OSBPL8: variants seen among roughly 807,000 people sequenced by gnomAD.
OSBPL8 encodes the protein oxysterol binding protein like 8.
OSBPL8 carries 59 observed loss-of-function variants against 125.5 expected under a neutral mutation model. The observed-to-expected ratio is 0.47, with a 90% CI of 0.38 to 0.58. The LOEUF (loss-of-function observed/expected upper bound fraction) is 0.58, where lower values mean the gene tolerates loss of function less well. Among genes scored for constraint, OSBPL8 ranks in the 20% least tolerant of loss-of-function variants. The pLI, the probability that OSBPL8 is intolerant of heterozygous loss-of-function variation, is 0.00. For synonymous variants in OSBPL8, 330 were observed against 338.9 expected (o/e 0.97, Z 0.29); for missense variants, 758 against 1,047.8 (o/e 0.72, Z 3.82).
intron 1 of OSBPL8, among the ~76,000 whole-genome samples, chr12:76,506,538 T>A (rs878977562): frequency 6.6e-6 from 1 of 152,174 alleles, no homozygotes; most frequent in Non-Finnish European, 1.5e-5. Context: ...GAATCCTGAT[T>A]TTTTGTTTTC....
At chr12:76,363,076 G>C (rs1952269860) in intron 21 of OSBPL8, among the ~76,000 whole-genome samples, 1 of 152,204 alleles carries the variant, frequency 6.6e-6, no homozygotes, top group Non-Finnish European at 1.5e-5. Flanking sequence ...TGGATAGGAA[G>C]AATCAATATC....
chr12:76,445,967 A>T (rs1872683527), intron 4 of OSBPL8, among the ~76,000 whole-genome samples: 1 of 152,212 alleles, frequency 6.6e-6, no homozygotes, highest in Admixed American at 6.5e-5. Context: ...ATTGACTGGA[A>T]CTTAAAAAGT....
At chr12:76,459,318 C>T (rs1874423667) in intron 3 of OSBPL8, among the ~76,000 whole-genome samples, 1 of 152,140 alleles carries the variant, frequency 6.6e-6, no homozygotes, top group Non-Finnish European at 1.5e-5. Flanking sequence ...TTGGCAGTGG[C>T]TGCCACTCCC....
intron 1 of OSBPL8, among the ~76,000 whole-genome samples, chr12:76,513,549 C>T (rs1331295514): frequency 3.3e-5 from 5 of 152,014 alleles, no homozygotes; most frequent in African/African-American, 7.2e-5. Flanking sequence ...TATTATCGTG[C>T]GGGAGTTTAC....
intron 1 of OSBPL8, among the ~76,000 whole-genome samples, chr12:76,511,024 T>A (rs1033590807): frequency 1.3e-5 from 2 of 152,162 alleles, no homozygotes; most frequent in Non-Finnish European, 2.9e-5. Context: ...CTGATTAGTA[T>A]AATATACAAT....
chr12:76,520,257 G>A (rs1881942951), intron 1 of OSBPL8, among the ~76,000 whole-genome samples: 1 of 152,142 alleles, frequency 6.6e-6, no homozygotes, highest in South Asian at 2.1e-4. Flanking sequence ...AGAAACAAGA[G>A]AATATGGACT....
At chr12:76,363,296 A>G (rs756670450) in intron 21 of OSBPL8, among the ~76,000 whole-genome samples, 2 of 151,894 alleles carry the variant, frequency 1.3e-5, no homozygotes, top group Non-Finnish European at 2.9e-5. Context: ...ACAAGGCTAC[A>G]GTAACCAAAA....
At chr12:76,445,534 C>T (rs1872639878) in intron 4 of OSBPL8, among the ~76,000 whole-genome samples, 1 of 151,906 alleles carries the variant, frequency 6.6e-6, no homozygotes, top group South Asian at 2.1e-4. Flanking sequence ...ATAATACAAA[C>T]AAGACAATTT....
intron 2 of OSBPL8, among the ~76,000 whole-genome samples, chr12:76,461,767 T>C (rs891124035): frequency 2.0e-5 from 3 of 152,136 alleles, no homozygotes; most frequent in Non-Finnish European, 2.9e-5. Context: ...ACTGCAGCAA[T>C]GCCCAATCCC....
rs573653171 is a variant in OSBPL8 at position 76,430,898 on chromosome 12, T to C, written c.217+19953A>G. Among the ~76,000 whole-genome samples, 4 of 152,260 alleles carry C rather than the reference T, an allele frequency of 2.6e-5. No individual in the cohort carries two copies. The South Asian group carries it at 6.2e-4, about 24-fold the overall frequency. ...AGTTCTTCAAGTTAGAATGAGAAGATGCTAAACAACAACATAAAAGCATAT... is the reference window on the plus strand; with the variant it reads ...AGTTCTTCAAGTTAGAATGAGAAGACGCTAAACAACAACATAAAAGCATAT... On this transcript the variant is annotated intron_variant, in intron 4 of 23. Transcript: ENST00000261183.
At chr12:76,528,980 T>C (rs1950260293) in intron 1 of OSBPL8, among the ~76,000 whole-genome samples, 1 of 152,164 alleles carries the variant, frequency 6.6e-6, no homozygotes, top group African/African-American at 2.4e-5. Context: ...GATACCAAAG[T>C]CCAAAACAGG....
intron 4 of OSBPL8, among the ~76,000 whole-genome samples, chr12:76,416,557 T>C (rs192978003): frequency 4.6e-5 from 7 of 152,246 alleles, no homozygotes; most frequent in Admixed American, 2.0e-4. Flanking sequence ...AATTTCCTTA[T>C]ATATTTTGAG....
chr12:76,420,472 G>T (rs778328333), intron 4 of OSBPL8, among the ~76,000 whole-genome samples: 1 of 151,966 alleles, frequency 6.6e-6, no homozygotes, highest in Admixed American at 6.6e-5. Context: ...CATCACTATG[G>T]GTACAGGGGC....
At chr12:76,369,099 C>T (rs892590992) in intron 21 of OSBPL8, 115 bp downstream of exon 21, 30 of 1,342,952 alleles carry the variant, frequency 2.2e-5, no homozygotes, top group African/African-American at 1.4e-4. Flanking sequence ...TTCAGAGCTG[C>T]GTATTTTGCT....
chr12:76,432,923 C>T (rs1005639754), intron 4 of OSBPL8, among the ~76,000 whole-genome samples: 1 of 152,080 alleles, frequency 6.6e-6, no homozygotes, highest in Non-Finnish European at 1.5e-5. Flanking sequence ...GGTCAAATGG[C>T]ATGCAAGGAT....
chr12:76,538,583 T>C lies in OSBPL8; in HGVS notation c.-68+20814A>G, dbSNP rs936175452. On this transcript the variant is annotated intron_variant, in intron 1 of 23. Coordinates refer to ENST00000261183, the MANE Select transcript of OSBPL8 (RefSeq NM_020841.5). ...ATGAGAGCAAGCCCTTTAAGTATAG[T>C]TCAAAGGCTTTATCATTGTAAACAA... Among the ~76,000 whole-genome samples the C allele has an allele frequency of 7.2e-5, 11 of 152,310 alleles. No homozygotes were observed. The South Asian group carries it at 1.9e-3, about 26-fold the overall frequency.
chr12:76,515,564 A>C (rs1881451304), intron 1 of OSBPL8, among the ~76,000 whole-genome samples: 1 of 152,138 alleles, frequency 6.6e-6, no homozygotes, highest in South Asian at 2.1e-4. Flanking sequence ...CAACACTCTG[A>C]AAGTATAGGT....
intron 1 of OSBPL8, among the ~76,000 whole-genome samples, chr12:76,498,130 C>G (rs1371941651): frequency 2.6e-5 from 4 of 152,276 alleles, no homozygotes; most frequent in Non-Finnish European, 5.9e-5. Flanking sequence ...TTGGGCTGGG[C>G]ACAGTGGCTC....
chr12:76,524,070 A>G (rs1469050739), intron 1 of OSBPL8, among the ~76,000 whole-genome samples: 1 of 152,206 alleles, frequency 6.6e-6, no homozygotes, highest in Admixed American at 6.5e-5. Context: ...TTTATAGTAC[A>G]TACATAAACA....
Sources: allele counts gnomAD v4.1 joint callset (sites outside exome capture counted in the v4.1 genomes callset), GRCh38; gene constraint gnomAD v4.1.1; transcripts MANE v1.5; gene names NCBI Gene and HGNC (gene_info 2026-07-23, HGNC 2026-07-21).